Variants in ZDHHC1 observed in about 807,000 individuals in gnomAD.
ZDHHC1 encodes the protein palmitoyltransferase ZDHHC1.
In ZDHHC1, 45 loss-of-function variants were observed where a neutral mutation model predicts 46.9. The ratio of observed to expected loss-of-function variants is 0.96; its 90% CI spans 0.76 to 1.23. ZDHHC1 has a LOEUF of 1.23. ZDHHC1 is among the 50% of genes most tolerant of loss of function. The pLI is 0.00. For synonymous variants in ZDHHC1, 291 were observed against 286.0 expected (o/e 1.02, Z -0.18); for missense variants, 649 against 670.8 (o/e 0.97, Z 0.36).
At chr16:67,413,761 G>GA (rs1052385544) in intron 1 of ZDHHC1, among the ~76,000 whole-genome samples, 2 of 136,114 alleles carry the variant, frequency 1.5e-5, no homozygotes, top group East Asian at 1.9e-4. Flanking sequence ...CCAACATGGT[G>GA]AAACCCGTCT....
Position 67,398,697 on chromosome 16 carries a change from G to C in ZDHHC1, c.690C>G (p.Phe230Leu). Reference protein sequence around the residue: ...LKNHTDVWFVFLPAAPVETQA... With the variant: ...LKNHTDVWFVLLPAAPVETQA... ...GGGTCTCCACGGGGGCGGCAGGCAG[G>C]AACACGAACCACACATCCGTGTGAT... is the stretch of plus-strand genomic sequence containing the variant. The change falls in exon 7 of 12, where the codon TTC (phenylalanine) becomes TTG (leucine). Residue 230 changes from phenylalanine to leucine, a missense_variant. By Grantham distance (22) the Phe-to-Leu change is conservative (BLOSUM62 0). Transcript: ENST00000565726. 2.5e-6 allele frequency: 4 copies of C among 1,609,034 alleles called. No homozygotes were observed. Among genetic ancestry groups the C allele is most frequent in the Non-Finnish European group, 3.4e-6 (4 of 1,178,446 alleles).
At chr16:67,396,390 G>A (rs2040432837) in intron 8 of ZDHHC1, 1 of 152,300 alleles carries the variant, frequency 6.6e-6, no homozygotes, top group Non-Finnish European at 1.5e-5. Context: ...TGGGAGCCGG[G>A]AGGGGTTGCC....
intron 1 of ZDHHC1, among the ~76,000 whole-genome samples, chr16:67,409,101 C>T (rs1380240442): frequency 6.6e-6 from 1 of 152,178 alleles, no homozygotes; most frequent in Non-Finnish European, 1.5e-5. Context: ...CACTGCCTGG[C>T]AGTGGCCACA....
rs1417951868 is a variant in ZDHHC1, at chr16:67,398,839, G to A, written c.636C>T (p.Arg212=). ...VEFFVNPMRL[R]TNRHFEVLKN... ...ACTGACCTTCAAAGTGTCGGTTGGT[G>A]CGCAGACGCATGGGGTTGACAAAGA... The change falls in exon 6 of 12, where the codon CGC becomes CGT. Residue 212 remains arginine (R), a synonymous_variant. Transcript: ENST00000565726. 1 of 1,612,760 alleles carries A rather than the reference G, an allele frequency of 6.2e-7. No individual in the cohort carries two copies. The highest frequency in any genetic ancestry group is 8.5e-7 in the Non-Finnish European group (1 of 1,179,466).
At position 67,401,128 on chromosome 16, in the gene ZDHHC1, A is replaced by G. The variant is rs1345969327; in HGVS notation, c.257T>C (p.Met86Thr). ...HHWVPAGYAC[M>T]GAIFAGHLVV... ...AAGGTGGCCAGCAAAGATGGCGCCC[A>G]TGCACTGGCCCAGCAGGTTAAAGAC... Residue 86 changes from methionine to threonine, a missense_variant, in exon 4 of 12, where the codon ATG becomes ACG. Transcript: ENST00000565726. The surrounding 1 kb of genome is among the most constrained non-coding windows in gnomAD (Gnocchi z 4.6). The G allele has an allele frequency of 5.6e-6, 9 of 1,613,586 alleles. No individual in the cohort carries two copies. Among genetic ancestry groups the G allele is most frequent in the Admixed American group, 5.0e-5 (3 of 59,984 alleles).
At chr16:67,397,019 C>T (rs1411853877) in intron 8 of ZDHHC1, among the ~76,000 whole-genome samples, 2 of 152,222 alleles carry the variant, frequency 1.3e-5, no homozygotes, top group African/African-American at 4.8e-5. Flanking sequence ...TCTCAGAGAC[C>T]TTCAAAACCG....
intron 4 of ZDHHC1, among the ~76,000 whole-genome samples, chr16:67,399,803 G>A (rs936239699): frequency 6.6e-6 from 1 of 152,044 alleles, no homozygotes; most frequent in African/African-American, 2.4e-5. Context: ...TGCAGGTGTG[G>A]GCCCAGGGAG....
chr16:67,416,367 AGCTCTGGCTCTGGCTCCG>A lies in ZDHHC1; in HGVS notation c.-253_-236del. The A allele has an allele frequency of 5.3e-6, 1 of 189,054 alleles. No homozygotes were observed. Among genetic ancestry groups the A allele is most frequent in the Non-Finnish European group, 1.1e-5 (1 of 92,066 alleles). The allele number at this position is 189,054 out of a possible 1,614,324, so 11.7% of individuals were successfully genotyped here. On this transcript the variant is annotated 5_prime_UTR_variant, in exon 1 of 12. Coordinates refer to ENST00000565726, the MANE Select transcript of ZDHHC1 (RefSeq NM_001323627.2). ...CGGAGACTGGGCCGGTGAGTCCTCG[AGCTCTGGCTCTGGCTCCG>A]GCTCCGGCTCCGGCTCCGGCTCCGG...
chr16:67,404,487 G>C (rs1597543094), intron 3 of ZDHHC1: 1 of 327,252 alleles, frequency 3.1e-6, no homozygotes, highest in East Asian at 7.6e-5. Context: ...GAGAGAGCCT[G>C]CAGAAAGAAG....
chr16:67,415,359 T>G (rs1008059050), intron 1 of ZDHHC1, among the ~76,000 whole-genome samples: 2 of 152,156 alleles, frequency 1.3e-5, no homozygotes, highest in Admixed American at 6.5e-5. Flanking sequence ...CTTGGGAGGC[T>G]GAGGCGGGAG....
intron 3 of ZDHHC1, chr16:67,404,493 A>G: frequency 6.1e-6 from 2 of 327,042 alleles, no homozygotes; most frequent in South Asian, 4.9e-5. Context: ...GCCTGCAGAA[A>G]GAAGGCTTTG....
chr16:67,394,504 G>C lies in ZDHHC1; in HGVS notation c.*106C>G. 9.9e-7 allele frequency: 1 copy of C among 1,011,076 alleles called. No homozygotes were observed. 62.6% of individuals were successfully genotyped at this position (1,011,076 alleles called of 1,614,324 possible). On this transcript the variant is annotated 3_prime_UTR_variant, in exon 12 of 12. Transcript: ENST00000565726. The stretch of plus-strand genomic sequence containing the variant: ...GTCGTGGGGGAGGGAGGCCGATCCC[G>C]CCGGCCGTAGGGGCCCCTAAAGTGC...
intron 1 of ZDHHC1, among the ~76,000 whole-genome samples, chr16:67,412,038 G>T (rs1040203742): frequency 3.3e-5 from 5 of 151,992 alleles, no homozygotes; most frequent in Non-Finnish European, 7.4e-5. Flanking sequence ...GCTTGAACCC[G>T]GGAGGCAGAG....
chr16:67,401,902 T>C lies in ZDHHC1; in HGVS notation c.253-770A>G, dbSNP rs1242792625. Among the ~76,000 whole-genome samples the C allele has an allele frequency of 6.6e-6, 1 of 152,088 alleles. No individual in the cohort carries two copies. Among genetic ancestry groups the C allele is most frequent in the African/African-American group, 2.4e-5 (1 of 41,416 alleles). ...AGATTCCACCCAGGCAGCCATCCAC[T>C]CTCCCTCCCTTGATCACACCCACTT... On this transcript the variant is annotated intron_variant, in intron 3 of 11. Transcript: ENST00000565726. This position sits in a 1 kb window ranked among gnomAD's most constrained non-coding sequence, Gnocchi z 4.6.
At chr16:67,404,730 G>A (rs1489927804) in intron 3 of ZDHHC1, 4 of 455,830 alleles carry the variant, frequency 8.8e-6, no homozygotes, top group Non-Finnish European at 1.8e-5. Flanking sequence ...ATTAGGAAAT[G>A]GGGAGAATAC....
intron 3 of ZDHHC1, chr16:67,404,857 C>G (rs1292315925): frequency 2.6e-6 from 1 of 390,836 alleles, no homozygotes; most frequent in African/African-American, 2.1e-5. Context: ...TCATGATTTG[C>G]TCTGCTTCTA....
In ZDHHC1 at chr16:67,416,290, C is replaced by A. The variant is rs1043147197; in HGVS notation, c.-158G>T. ...GCGCCTCAGACCCTCGCGGTAGGGA[C>A]GGTCCCCGGGACTGGGCGGCAACGC... On this transcript the variant is annotated 5_prime_UTR_variant, in exon 1 of 12. Coordinates refer to ENST00000565726, the MANE Select transcript of ZDHHC1 (RefSeq NM_001323627.2). The A allele has an allele frequency of 6.4e-6, 1 of 156,390 alleles. No homozygotes were observed. Among genetic ancestry groups the A allele is most frequent in the Non-Finnish European group, 1.4e-5 (1 of 69,902 alleles). The allele number at this position is 156,390 out of a possible 1,614,324, so 9.7% of individuals were successfully genotyped here.
In ZDHHC1 at chr16:67,407,865, C is replaced by T. The variant is rs2040690288; in HGVS notation, c.-38-52G>A. On this transcript the variant is annotated intron_variant, in intron 1 of 11. Coordinates refer to ENST00000565726, the MANE Select transcript of ZDHHC1 (RefSeq NM_001323627.2). Reference sequence around the variant, plus strand: ...GTAAATGGTGTGGAATCCTGGTCCACCCTAAGCCATCTGGCCTGCTTTCTC... The same window carrying T: ...GTAAATGGTGTGGAATCCTGGTCCATCCTAAGCCATCTGGCCTGCTTTCTC... The T allele has an allele frequency of 4.0e-6, 3 of 748,690 alleles. No individual in the cohort carries two copies. In the East Asian group the frequency reaches 7.5e-5, roughly 19 times the overall value. The allele number at this position is 748,690 out of a possible 1,614,324, so 46.4% of individuals were successfully genotyped here.
intron 7 of ZDHHC1, 55 bp from the exon 8 acceptor site, chr16:67,398,379 A>G (rs1224830313): frequency 2.5e-6 from 4 of 1,572,196 alleles, no homozygotes; most frequent in Admixed American, 1.7e-5. Context: ...TGGAGCTCAG[A>G]ACAGGAGGGA....
Sources: gnomAD v4.1 joint callset for allele counts (sites outside exome capture counted in the v4.1 genomes callset) on GRCh38, gnomAD v4.1.1 for gene constraint, Gnocchi (gnomAD v3.1) non-coding constraint, MANE v1.5 for transcripts, NCBI Gene and HGNC (gene_info 2026-07-23, HGNC 2026-07-21) for gene names.